Variants in KATNAL2 observed in about 807,000 individuals in gnomAD.
The protein encoded by KATNAL2 is katanin p60 ATPase-containing subunit A-like 2.
KATNAL2 carries 52 observed loss-of-function variants against 76.3 expected under a neutral mutation model. That is an observed-to-expected ratio of 0.68 (90% CI 0.55 to 0.86). KATNAL2 has a LOEUF of 0.86. Ranked by LOEUF, KATNAL2 falls within the 40% of genes least tolerant of loss-of-function variation. The probability of loss-of-function intolerance (pLI) is 0.00; values close to 1 mark genes in which losing one functional copy is unlikely to be tolerated. For synonymous variants in KATNAL2, 243 were observed against 244.2 expected, an observed-to-expected ratio of 1.00 and a Z score of 0.05; for missense variants, 660 against 668.9, an observed-to-expected ratio of 0.99 and a Z score of 0.15.
At chr18:47,033,494 G>A (rs370471640) in intron 3 of KATNAL2, 144 of 1,614,058 alleles carry the variant, frequency 8.9e-5, no homozygotes, top group Non-Finnish European at 1.2e-4. Flanking sequence ...TTGAAGTCCT[G>A]GAAACAATGA....
chr18:47,059,986 T>C (rs1482995472), intron 8 of KATNAL2, among the ~76,000 whole-genome samples: 1 of 130,588 alleles, frequency 7.7e-6, no homozygotes, highest in Admixed American at 9.1e-5. Flanking sequence ...TCATCCTGCA[T>C]CGTTCTCATC....
intron 15 of KATNAL2, 65 bp from the exon 16 acceptor site, chr18:47,099,178 G>T: frequency 1.3e-6 from 2 of 1,501,280 alleles, no homozygotes; most frequent in Non-Finnish European, 1.8e-6. Context: ...TGTTCTTAAA[G>T]TACAGTTGTT....
intron 3 of KATNAL2, among the ~76,000 whole-genome samples, chr18:47,045,331 T>TTTCTTTTCTTTTCTTTTCTTTTCTTTTC (rs758686226): frequency 1.1e-3 from 44 of 39,688 alleles, no homozygotes; most frequent in East Asian, 7.1e-3. Flanking sequence ...TTTCTTTTCT[T>TTTCTTTTCTTTTCTTTTCTTTTCTTTTC]TTTTTTTTTT....
At chr18:47,074,429 C>T (rs994237247) in intron 13 of KATNAL2, among the ~76,000 whole-genome samples, 17 of 152,116 alleles carry the variant, frequency 1.1e-4, no homozygotes, top group Admixed American at 9.8e-4. Flanking sequence ...GAATAAATCC[C>T]CCATGCCTAT....
chr18:46,957,464 C>T (rs1000336115), intron 3 of KATNAL2, among the ~76,000 whole-genome samples: 2 of 151,526 alleles, frequency 1.3e-5, no homozygotes, highest in African/African-American at 4.8e-5. Flanking sequence ...CCGTGTTAGC[C>T]AGGACGGTCT....
intron 3 of KATNAL2, among the ~76,000 whole-genome samples, chr18:46,959,597 A>T (rs1021101648): frequency 6.6e-6 from 1 of 152,176 alleles, no homozygotes; most frequent in Non-Finnish European, 1.5e-5. Context: ...TTTTGGAGAC[A>T]GAGTCCCTCT....
At chr18:47,084,497 T>C in intron 15 of KATNAL2, 2 of 677,242 alleles carry the variant, frequency 3.0e-6, no homozygotes, top group Non-Finnish European at 5.4e-6. Flanking sequence ...GTTCAGGAGA[T>C]ACCAAGTTAA....
At chr18:47,054,761 A>G (rs1324467312) in intron 6 of KATNAL2, among the ~76,000 whole-genome samples, 1 of 152,216 alleles carries the variant, frequency 6.6e-6, no homozygotes, top group Non-Finnish European at 1.5e-5. Context: ...GCATGGAGCA[A>G]GTTTTGGACA....
intron 4 of KATNAL2, among the ~76,000 whole-genome samples, chr18:47,048,500 A>G (rs1296249301): frequency 6.6e-6 from 1 of 152,216 alleles, no homozygotes; most frequent in East Asian, 1.9e-4. Context: ...CAGGCAGGCC[A>G]TCAGTCACTT....
chr18:46,957,446 G>A (rs2059792649), intron 3 of KATNAL2, among the ~76,000 whole-genome samples: 1 of 151,514 alleles, frequency 6.6e-6, no homozygotes. Context: ...AGTAGAGACG[G>A]TGTTTCACCG....
intron 3 of KATNAL2, among the ~76,000 whole-genome samples, chr18:47,038,362 A>T (rs2060851255): frequency 6.6e-6 from 1 of 152,226 alleles, no homozygotes; most frequent in Non-Finnish European, 1.5e-5. Flanking sequence ...GAAGGAAATA[A>T]TTCTGACAAA....
In KATNAL2 at chr18:47,046,524, A is replaced by C; in HGVS notation, c.119A>C (p.Glu40Ala). Reference protein sequence around the residue: ...LILISHYLTQEGYIDTANALE... With the variant: ...LILISHYLTQAGYIDTANALE... ...TTGATTTCGCATTATTTAACACAAG[A>C]AGGGTATGTTACAGTACAAACATTT... is the stretch of plus-strand genomic sequence containing the variant. Residue 40 changes from glutamate to alanine, a missense_variant, in exon 4 of 18, where the codon GAA (glutamate) becomes GCA (alanine). By Grantham distance (107) the Glu-to-Ala change is moderately radical. Transcript: ENST00000683218. The C allele has an allele frequency of 6.5e-7, 1 of 1,531,810 alleles. No homozygotes were observed. The highest frequency in any genetic ancestry group is 8.7e-7 in the Non-Finnish European group (1 of 1,142,954). 94.9% of individuals were successfully genotyped at this position (1,531,810 alleles called of 1,614,324 possible).
chr18:47,048,258 GC>G (rs2061225637), intron 4 of KATNAL2, among the ~76,000 whole-genome samples: 2 of 152,142 alleles, frequency 1.3e-5, no homozygotes, highest in African/African-American at 2.4e-5. Flanking sequence ...AGTCTGATAA[GC>G]ATCTTTTCCT....
chr18:47,062,166 G>A (rs963890507), intron 8 of KATNAL2, among the ~76,000 whole-genome samples: 1 of 152,052 alleles, frequency 6.6e-6, no homozygotes, highest in East Asian at 1.9e-4. Context: ...TATAACTCGA[G>A]CTCAGGAGTT....
chr18:46,961,952 T>A (rs7244778), intron 3 of KATNAL2, among the ~76,000 whole-genome samples: 1 of 151,984 alleles, frequency 6.6e-6, no homozygotes, highest in African/African-American at 2.4e-5. Context: ...CACACTTGAA[T>A]TTCAGGGAGT....
rs2060709168 is a variant in KATNAL2, at chr18:47,035,177, A to G, written c.52-11280A>G. ...GGCAAGGCGGAGAGTTTCTGCAAAT[A>G]TTTCTCTAGCTTTTTCGGCTCCGTC... On this transcript the variant is annotated intron_variant, in intron 3 of 17. Coordinates refer to ENST00000683218, the MANE Select transcript of KATNAL2 (RefSeq NM_001387690.1). 6 of 1,611,946 alleles carry G rather than the reference A, an allele frequency of 3.7e-6. No individual in the cohort carries two copies. The East Asian group carries it at 1.3e-4, about 36-fold the overall frequency.
chr18:46,941,051 G>A (rs2059232265), intron 1 of KATNAL2, among the ~76,000 whole-genome samples: 1 of 152,008 alleles, frequency 6.6e-6, no homozygotes, highest in African/African-American at 2.4e-5. Context: ...AAAAACTTAT[G>A]ATTAAAAAAC....
At chr18:47,096,449 C>T (rs2063241126) in intron 15 of KATNAL2, among the ~76,000 whole-genome samples, 1 of 152,144 alleles carries the variant, frequency 6.6e-6, no homozygotes, top group Admixed American at 6.5e-5. Flanking sequence ...TCAGGTGACT[C>T]TCCTACCTCA....
chr18:47,072,792 C>A (rs1258575009), intron 13 of KATNAL2, among the ~76,000 whole-genome samples: 1 of 152,204 alleles, frequency 6.6e-6, no homozygotes, highest in Non-Finnish European at 1.5e-5. Context: ...CCCTTTTGTA[C>A]CTGGCTTTTC....
Sources: allele counts gnomAD v4.1 joint callset (sites outside exome capture counted in the v4.1 genomes callset), GRCh38; gene constraint gnomAD v4.1.1; transcripts MANE v1.5; gene names NCBI Gene and HGNC (gene_info 2026-07-23, HGNC 2026-07-21).